Variants in PRPF8 observed in about 807,000 individuals in gnomAD.
The protein encoded by PRPF8 is pre-mRNA-processing-splicing factor 8.
A neutral mutation model predicts 285.9 loss-of-function variants in PRPF8; 64 were observed. The ratio of observed to expected loss-of-function variants is 0.22; its 90% confidence interval spans 0.18 to 0.28. The LOEUF is 0.28. Among genes scored for constraint, PRPF8 ranks in the 10% least tolerant of loss-of-function variants. PRPF8 has a pLI of 1.00. For missense variants in PRPF8, 1,426 were observed against 3,026.7 expected, an observed-to-expected ratio of 0.47 and a Z score of 12.41; for synonymous variants, 1,325 against 1,118.2, an observed-to-expected ratio of 1.18 and a Z score of -3.69.
At position 1,682,054 on chromosome 17, in the gene PRPF8, T is replaced by TCACA; in HGVS notation, c.435-20_435-17dup. Reference sequence around the variant, plus strand: ...CCACATTGACCTGGAAGGCAAGACATCACACAACCATTTCTACCCACTGCC... The same window carrying TCACA: ...CCACATTGACCTGGAAGGCAAGACATCACACACACAACCATTTCTACCCACTGCC... On this transcript the variant is annotated splice_polypyrimidine_tract_variant and intron_variant, in intron 4 of 42. Transcript: ENST00000304992. 1 of 1,613,580 alleles carries TCACA rather than the reference T, an allele frequency of 6.2e-7. No homozygotes were observed. The highest frequency in any genetic ancestry group is 8.5e-7 in the Non-Finnish European group (1 of 1,179,720).
At position 1,676,634 on chromosome 17, in the gene PRPF8, A is replaced by C; in HGVS notation, c.2259T>G (p.Thr753=). The C allele has an allele frequency of 6.2e-7, 1 of 1,614,186 alleles. No individual in the cohort carries two copies. The highest frequency in any genetic ancestry group is 8.5e-7 in the Non-Finnish European group (1 of 1,180,046). ...VKAKADWWTN[T]AHYNRERIRR... ...GGATCCGTTCTCGGTTGTAGTGGGC[A>C]GTGTTGGTCCACCAGTCAGCCTTGG... Residue 753 remains threonine, a synonymous_variant, in exon 16 of 43, where the codon ACT becomes ACG. Coordinates refer to ENST00000304992, the MANE Select transcript of PRPF8 (RefSeq NM_006445.4). This position sits in a 1 kb window ranked among gnomAD's most constrained non-coding sequence, Gnocchi z 6.3.
Position 1,651,712 on chromosome 17 carries a change from G to A in PRPF8, c.6446C>T (p.Pro2149Leu), listed in dbSNP as rs371034900. Residue 2149 changes from proline (P) to leucine (L), a missense_variant, in exon 40 of 43, where the codon CCG (proline) becomes CTG (leucine). By Grantham distance (98) the Pro-to-Leu change is moderately conservative. This residue lies in a region of PRPF8 where 160 missense variants were observed against 373.7 expected (regional missense o/e 0.43). Coordinates refer to ENST00000304992, the MANE Select transcript of PRPF8 (RefSeq NM_006445.4). The surrounding 1 kb of genome is among the most constrained non-coding windows in gnomAD (Gnocchi z 5.1). ...CACGGTCTGGTGAGTGCCCCACTGC[G>A]GCACCATCACAATGCAGCGGATCTC... ...VKEIRCIVMV[P>L]QWGTHQTVHL... The A allele has an allele frequency of 1.9e-6, 3 of 1,614,020 alleles. No homozygotes were observed. The highest frequency in any genetic ancestry group is 2.5e-6 in the Non-Finnish European group (3 of 1,180,040).
chr17:1,677,020 G>A lies in PRPF8; in HGVS notation c.2137C>T (p.Leu713Phe). 1 of 1,614,046 alleles carries A rather than the reference G, an allele frequency of 6.2e-7. No homozygotes were observed. Among genetic ancestry groups the A allele is most frequent in the Non-Finnish European group, 8.5e-7 (1 of 1,180,016 alleles). Residue 713 changes from leucine to phenylalanine, a missense_variant, in exon 15 of 43, where the codon CTC (leucine) becomes TTC (phenylalanine). Coordinates refer to ENST00000304992, the MANE Select transcript of PRPF8 (RefSeq NM_006445.4). ...TTCCAGCAGCGCCAGGCTTCACTGA[G>A]GTGCTGCAGGATTGTCCGGGCCTTG... The part of the protein sequence containing the change: ...QNKARTILQH[L>F]SEAWRCWKAN...
At position 1,653,938 on chromosome 17, in the gene PRPF8, C is replaced by T; in HGVS notation, c.6066G>A (p.Gln2022=). The change falls in exon 38 of 43, where the codon CAG becomes CAA. Residue 2022 remains glutamine, a synonymous_variant. Coordinates refer to ENST00000304992, the MANE Select transcript of PRPF8 (RefSeq NM_006445.4). This position sits in a 1 kb window ranked among gnomAD's most constrained non-coding sequence, Gnocchi z 4.9. ...LGMEISAPSQ[Q]RQQIAEIEKQ... is the part of the protein sequence containing the mutation. ...TCTCGATCTCAGCGATCTGCTGCCG[C>T]TGCTGTGACGGTGCCGAGATCTCCA... 1.2e-6 allele frequency: 2 copies of T among 1,612,876 alleles called. No homozygotes were observed. Among genetic ancestry groups the T allele is most frequent in the Non-Finnish European group, 1.7e-6 (2 of 1,179,608 alleles).
At chr17:1,657,924 T>C (rs1034632796) in intron 34 of PRPF8, among the ~76,000 whole-genome samples, 8 of 148,702 alleles carry the variant, frequency 5.4e-5, no homozygotes, top group African/African-American at 1.5e-4. Context: ...TGAACCGAGA[T>C]TGAGCCACTG....
In PRPF8 at chr17:1,658,526, C is replaced by T. The variant is rs1263323885; in HGVS notation, c.5376G>A (p.Lys1792=). Residue 1792 remains lysine (K), a splice_region_variant and synonymous_variant, in exon 33 of 43, where the codon AAG becomes AAA. Coordinates refer to ENST00000304992, the MANE Select transcript of PRPF8 (RefSeq NM_006445.4). The surrounding 1 kb of genome is among the most constrained non-coding windows in gnomAD (Gnocchi z 4.1). ...DTNVYRVTIH[K]TFEGNLTTKP... is the part of the protein sequence containing the mutation. ...CCTATACACTGCTGCTAACACTCAC[C>T]TTGTGAATAGTCACTCTGTAGACGT... 6.2e-7 allele frequency: 1 copy of T among 1,612,502 alleles called. No homozygotes were observed. Among genetic ancestry groups the T allele is most frequent in the African/African-American group, 1.3e-5 (1 of 74,876 alleles).
At chr17:1,663,623 C>T (rs546845602) in intron 24 of PRPF8, among the ~76,000 whole-genome samples, 2 of 145,382 alleles carry the variant, frequency 1.4e-5, no homozygotes, top group South Asian at 2.2e-4. Flanking sequence ...GTAGAAGAAT[C>T]GCTTGAACTC....
chr17:1,657,758 G>A (rs1464822728), intron 34 of PRPF8, among the ~76,000 whole-genome samples: 3 of 150,838 alleles, frequency 2.0e-5, no homozygotes, highest in Non-Finnish European at 2.9e-5. Context: ...CACAAAGTCA[G>A]GAGATCGAGA....
chr17:1,673,572 C>T lies in PRPF8; in HGVS notation c.3447-5G>A, dbSNP rs1161397165. The T allele has an allele frequency of 1.2e-6, 2 of 1,613,876 alleles. No individual in the cohort carries two copies. The highest frequency in any genetic ancestry group is 2.7e-5 in the African/African-American group (2 of 74,902). ...TCCCAGAATACCGCCCGGCCTCTGCCCACAGAGAACACATGGTCACAGCAG... is the reference window on the plus strand; with the variant it reads ...TCCCAGAATACCGCCCGGCCTCTGCTCACAGAGAACACATGGTCACAGCAG... On this transcript the variant is annotated splice_polypyrimidine_tract_variant and splice_region_variant and intron_variant, in intron 22 of 42. Coordinates refer to ENST00000304992, the MANE Select transcript of PRPF8 (RefSeq NM_006445.4). This position sits in a 1 kb window ranked among gnomAD's most constrained non-coding sequence, Gnocchi z 5.5.
rs62089988 is a variant in PRPF8, at chr17:1,680,838, T to C, written c.993-7A>G. ...AACATTGGGAGTATGGTACCTAAAA[T>C]GAAAGGAAGAGTCAGCCAAAGTTTT... On this transcript the variant is annotated splice_polypyrimidine_tract_variant and splice_region_variant and intron_variant, in intron 7 of 42. Coordinates refer to ENST00000304992, the MANE Select transcript of PRPF8 (RefSeq NM_006445.4). 53,171 of 1,613,966 alleles carry C rather than the reference T, an allele frequency of 0.033. 1,012 individuals are homozygous for C. Among genetic ancestry groups the C allele is most frequent in the Middle Eastern group, 0.042 (253 of 6,062 alleles).
Position 1,659,930 on chromosome 17 carries a change from T to A in PRPF8, c.4857A>T (p.Ser1619=). The A allele has an allele frequency of 6.2e-7, 1 of 1,614,136 alleles. No homozygotes were observed. The change falls in exon 31 of 43, where the codon TCA becomes TCT. Residue 1619 remains serine, a synonymous_variant. Coordinates refer to ENST00000304992, the MANE Select transcript of PRPF8 (RefSeq NM_006445.4). The surrounding 1 kb of genome is among the most constrained non-coding windows in gnomAD (Gnocchi z 5.1). ...VQKETIHPRK[S]YKMNSSCADI... ...CTGCACAGGAAGAGTTCATCTTATA[T>A]GACTTTCGGGGATGGATTGTCTCCT...
At chr17:1,669,522 C>G (rs766328147) in intron 24 of PRPF8, among the ~76,000 whole-genome samples, 1 of 152,190 alleles carries the variant, frequency 6.6e-6, no homozygotes, top group Non-Finnish European at 1.5e-5. Context: ...TAGGTGGCAT[C>G]TGATGTCCTT....
intron 24 of PRPF8, among the ~76,000 whole-genome samples, chr17:1,671,870 A>T (rs985574369): frequency 1.8e-4 from 27 of 151,168 alleles, no homozygotes; most frequent in African/African-American, 6.3e-4. Context: ...AAAAAAAAAA[A>T]AAAAATTAAA....
chr17:1,680,660 A>G (rs1430041904), intron 8 of PRPF8, 66 bp downstream of exon 8: 7 of 1,437,854 alleles, frequency 4.9e-6, no homozygotes, highest in Admixed American at 1.7e-5. Flanking sequence ...AGCGTTTAGT[A>G]ACATCAGCCA....
rs563862636 is a variant in PRPF8, at chr17:1,656,260, C to G, written c.5793+132G>C. ...TTTTAACTTTAAGGTCTTAAACTCT[C>G]ATGAAAGTCAACAGAGTTCCCACCC... is the stretch of plus-strand genomic sequence containing the variant. On this transcript the variant is annotated intron_variant, in intron 36 of 42. Coordinates refer to ENST00000304992, the MANE Select transcript of PRPF8 (RefSeq NM_006445.4). The G allele has an allele frequency of 1.1e-4, 126 of 1,193,886 alleles. No homozygotes were observed. In the African/African-American group the frequency reaches 1.7e-3, roughly 16 times the overall value. The allele number at this position is 1,193,886 out of a possible 1,614,324, so 74.0% of individuals were successfully genotyped here.
chr17:1,683,918 A>G (rs58348207), intron 2 of PRPF8, among the ~76,000 whole-genome samples: 44,360 of 142,344 alleles, frequency 0.31, 8,829 homozygotes, highest in African/African-American at 0.58. Context: ...AGGTTGTTTC[A>G]CTCTGTCTCC....
Position 1,672,797 on chromosome 17 carries a change from AT to A in PRPF8, c.3774+283del, listed in dbSNP as rs1912397174. On this transcript the variant is annotated intron_variant, in intron 24 of 42. Coordinates refer to ENST00000304992, the MANE Select transcript of PRPF8 (RefSeq NM_006445.4). ...AAGCACCTGAGAAAATGCAAAAATA[AT>A]GCTTTTCTGTTCAAAATAATAAATC... The A allele has an allele frequency of 5.6e-6, 3 of 538,788 alleles. No homozygotes were observed. In the African/African-American group the frequency reaches 5.7e-5, roughly 10 times the overall value. 33.4% of individuals were successfully genotyped at this position (538,788 alleles called of 1,614,324 possible). A position where few individuals can be genotyped will look rare whatever the true frequency, so the allele number is the denominator to read the frequency against.
intron 24 of PRPF8, among the ~76,000 whole-genome samples, chr17:1,671,485 G>C (rs905911238): frequency 2.6e-5 from 4 of 152,148 alleles, no homozygotes; most frequent in African/African-American, 7.2e-5. Context: ...GAGAGGCTAA[G>C]GCAGGAGGAC....
At chr17:1,677,810 T>C (rs1912684931) in intron 13 of PRPF8, 116 bp from the exon 14 acceptor site, 4 of 1,385,786 alleles carry the variant, frequency 2.9e-6, no homozygotes, top group Middle Eastern at 4.6e-4. Context: ...AATGTAGGTA[T>C]GGCAGTAGAG....
Sources: allele counts gnomAD v4.1 joint callset (sites outside exome capture counted in the v4.1 genomes callset), GRCh38; gene constraint gnomAD v4.1.1; regional missense constraint gnomAD v4.1.1; non-coding constraint Gnocchi (gnomAD v3.1); transcripts MANE v1.5; gene names NCBI Gene and HGNC (gene_info 2026-07-23, HGNC 2026-07-21).